RALGAPB: variants seen among roughly 807,000 people sequenced by gnomAD.
The protein encoded by RALGAPB is Ral GTPase activating protein non-catalytic subunit beta.
RALGAPB carries 25 observed loss-of-function variants against 161.1 expected under a neutral mutation model. That is an observed-to-expected ratio of 0.16 (90% CI 0.11 to 0.22). RALGAPB has a LOEUF of 0.22. RALGAPB is among the 10% of genes least tolerant of loss of function. The pLI is 1.00. For synonymous variants in RALGAPB, 629 were observed against 626.1 expected (o/e 1.00, Z -0.07); for missense variants, 1,391 against 1,815.2 (o/e 0.77, Z 4.25).
intron 13 of RALGAPB, among the ~76,000 whole-genome samples, chr20:38,527,273 T>C (rs1479884589): frequency 6.6e-6 from 1 of 152,162 alleles, no homozygotes; most frequent in Non-Finnish European, 1.5e-5. Flanking sequence ...GTGGGGTGTA[T>C]GTCCTTCCAA....
chr20:38,491,226 T>C (rs1329308183), intron 2 of RALGAPB, among the ~76,000 whole-genome samples: 1 of 152,262 alleles, frequency 6.6e-6, no homozygotes, highest in Non-Finnish European at 1.5e-5. Context: ...GATTTAACTT[T>C]GGTTTTAAGC....
rs767031284 is a variant in RALGAPB, at chr20:38,510,174, G to A, written c.872+966G>A. ...CACACACACACACACACAGACACACGCATGCATGTAATTTGCAGAGATGGG... is the reference window on the plus strand; with the variant it reads ...CACACACACACACACACAGACACACACATGCATGTAATTTGCAGAGATGGG... On this transcript the variant is annotated intron_variant, in intron 6 of 29. Coordinates refer to ENST00000262879, the MANE Select transcript of RALGAPB (RefSeq NM_020336.4). 3.6e-3 allele frequency among the ~76,000 whole-genome samples: 530 copies of A among 146,740 alleles called. 1 individual carries two copies. Among genetic ancestry groups the A allele is most frequent in the Non-Finnish European group, 5.3e-3 (352 of 66,218 alleles).
Position 38,575,932 on chromosome 20 carries a change from C to T in RALGAPB, c.*965C>T, listed in dbSNP as rs1288873848. 6.6e-6 allele frequency: 1 copy of T among 152,480 alleles called. No individual in the cohort carries two copies. Among genetic ancestry groups the T allele is most frequent in the African/African-American group, 2.4e-5 (1 of 41,404 alleles). 9.4% of individuals were successfully genotyped at this position (152,480 alleles called of 1,614,324 possible). Reference sequence around the variant, plus strand: ...TTCTAATATGGGGTTCAGGAATAGCCTCTCAACGCTACTAATTCAGATCTC... The same window carrying T: ...TTCTAATATGGGGTTCAGGAATAGCTTCTCAACGCTACTAATTCAGATCTC... On this transcript the variant is annotated 3_prime_UTR_variant, in exon 30 of 30. Transcript: ENST00000262879.
chr20:38,501,059 G>A (rs1327596458), intron 5 of RALGAPB, among the ~76,000 whole-genome samples: 5 of 152,192 alleles, frequency 3.3e-5, no homozygotes, highest in African/African-American at 1.2e-4. Flanking sequence ...GTGTGATGGA[G>A]AAGCTGCAGC....
At chr20:38,525,784 T>G in intron 12 of RALGAPB, 111 bp from the exon 13 acceptor site, 1 of 1,151,292 alleles carries the variant, frequency 8.7e-7, no homozygotes, top group Non-Finnish European at 1.2e-6. Flanking sequence ...TGGCTAATAT[T>G]AGACTGAAAG....
chr20:38,558,405 C>A lies in RALGAPB; in HGVS notation c.3483C>A (p.Asp1161Glu). ...ATCTCTTGCCATGTCGTCCTTTTGACACAGTTTTTATTTTCTATATGAAGC... is the reference window on the plus strand; with the variant it reads ...ATCTCTTGCCATGTCGTCCTTTTGAAACAGTTTTTATTTTCTATATGAAGC... ...YLDLLPCRPF[D>E]TVFIFYMKPG... is the part of the protein sequence containing the mutation. Residue 1161 changes from aspartate (D) to glutamate (E), a missense_variant, in exon 23 of 30, where the codon GAC becomes GAA. By Grantham distance (45) the Asp-to-Glu change is conservative. This residue lies in a region of RALGAPB where 436 missense variants were observed against 527.0 expected (regional missense o/e 0.83). Transcript: ENST00000262879. 1 of 1,604,086 alleles carries A rather than the reference C, an allele frequency of 6.2e-7. No individual in the cohort carries two copies. Among genetic ancestry groups the A allele is most frequent in the Non-Finnish European group, 8.5e-7 (1 of 1,174,350 alleles).
chr20:38,484,535 T>G (rs1018529883), intron 1 of RALGAPB, among the ~76,000 whole-genome samples: 3 of 152,182 alleles, frequency 2.0e-5, no homozygotes, highest in African/African-American at 7.2e-5. Flanking sequence ...TGACATTGTG[T>G]TTTTTTGTTT....
intron 6 of RALGAPB, among the ~76,000 whole-genome samples, chr20:38,510,221 G>A (rs983877129): frequency 2.0e-5 from 3 of 151,528 alleles, no homozygotes; most frequent in Non-Finnish European, 4.4e-5. Context: ...TTGCCCAGGC[G>A]GTCTCAAACT....
intron 23 of RALGAPB, among the ~76,000 whole-genome samples, chr20:38,561,048 C>T (rs913234032): frequency 6.6e-5 from 10 of 152,160 alleles, no homozygotes; most frequent in South Asian, 4.1e-4. Context: ...GGTTTTAGGC[C>T]GGGTGTGGTG....
At chr20:38,534,039 C>T (rs1483049228) in intron 15 of RALGAPB, among the ~76,000 whole-genome samples, 1 of 145,390 alleles carries the variant, frequency 6.9e-6, no homozygotes, top group Non-Finnish European at 1.5e-5. Context: ...CTCTGGAGGC[C>T]AAGGTAGGAG....
At chr20:38,574,054 T>G in intron 28 of RALGAPB, 96 bp from the exon 29 acceptor site, 1 of 1,292,382 alleles carries the variant, frequency 7.7e-7, no homozygotes, top group Non-Finnish European at 1.1e-6. Flanking sequence ...CAGGTCCCTT[T>G]ACTAATCTTA....
chr20:38,533,270 A>G (rs2086710563), intron 15 of RALGAPB, among the ~76,000 whole-genome samples: 1 of 152,062 alleles, frequency 6.6e-6, no homozygotes, highest in Non-Finnish European at 1.5e-5. Context: ...CCCAGAGGAG[A>G]GCATGTCTTC....
intron 7 of RALGAPB, 42 bp from the exon 8 acceptor site, chr20:38,517,464 C>T (rs1310065846): frequency 5.3e-6 from 8 of 1,513,912 alleles, no homozygotes; most frequent in East Asian, 2.3e-5. Flanking sequence ...TATATTTTGA[C>T]CTATGAAGAA....
chr20:38,574,432 T>A, intron 29 of RALGAPB, 134 bp downstream of exon 29: 1 of 1,059,186 alleles, frequency 9.4e-7, no homozygotes, highest in Non-Finnish European at 1.3e-6. Context: ...TGGCTCTTGT[T>A]AAAAAGGGAG....
chr20:38,549,457 G>T (rs985098474), intron 20 of RALGAPB, among the ~76,000 whole-genome samples: 1 of 150,250 alleles, frequency 6.7e-6, no homozygotes, highest in South Asian at 2.1e-4. Context: ...CCAAACTTCT[G>T]TCTTCAAGTG....
At chr20:38,568,980 G>T (rs2088118355) in intron 26 of RALGAPB, 1 of 152,088 alleles carries the variant, frequency 6.6e-6, no homozygotes, top group African/African-American at 2.4e-5. Context: ...AGCTAAATAG[G>T]GACCTTGATA....
chr20:38,491,952 T>C (rs1245727913), intron 2 of RALGAPB, among the ~76,000 whole-genome samples: 2 of 152,222 alleles, frequency 1.3e-5, no homozygotes, highest in African/African-American at 4.8e-5. Context: ...CAAAGTTTTG[T>C]CTGGAATTCA....
chr20:38,505,254 GAATT>G (rs563838250), intron 5 of RALGAPB, among the ~76,000 whole-genome samples: 29 of 152,196 alleles, frequency 1.9e-4, no homozygotes, highest in Non-Finnish European at 3.4e-4. Flanking sequence ...CCATGAAAAA[GAATT>G]AATTGTGTCC....
chr20:38,507,906 G>A (rs2085812207), intron 5 of RALGAPB, among the ~76,000 whole-genome samples: 1 of 151,932 alleles, frequency 6.6e-6, no homozygotes, highest in Non-Finnish European at 1.5e-5. Context: ...TTATATGTGA[G>A]AATATTATCT....
Sources: allele counts gnomAD v4.1 joint callset (sites outside exome capture counted in the v4.1 genomes callset), GRCh38; gene constraint gnomAD v4.1.1; regional missense constraint gnomAD v4.1.1; transcripts MANE v1.5; gene names NCBI Gene and HGNC (gene_info 2026-07-23, HGNC 2026-07-21).